XPO7: variants seen among roughly 807,000 people sequenced by gnomAD.
XPO7 encodes exportin-7.
A neutral mutation model predicts 144.3 loss-of-function variants in XPO7; 21 were observed. The observed-to-expected ratio is 0.15, with a 90% CI of 0.10 to 0.21. The LOEUF (loss-of-function observed/expected upper bound fraction) is 0.21, where lower values mean the gene tolerates loss of function less well. Among genes scored for constraint, XPO7 ranks in the 10% least tolerant of loss-of-function variants. The pLI is 1.00. For synonymous variants in XPO7, 580 were observed against 499.6 expected (o/e 1.16, Z -2.15); for missense variants, 808 against 1,325.8 (o/e 0.61, Z 6.06).
At chr8:21,980,225 C>T (rs1324671623) in intron 9 of XPO7, 22 bp downstream of exon 9, 3 of 1,562,008 alleles carry the variant, frequency 1.9e-6, no homozygotes, top group African/African-American at 2.7e-5. Flanking sequence ...TGAGAATTTA[C>T]ATATGTATAG....
intron 12 of XPO7, 112 bp downstream of exon 12, chr8:21,984,951 C>A: frequency 8.7e-7 from 1 of 1,144,460 alleles, no homozygotes; most frequent in Non-Finnish European, 1.2e-6. Flanking sequence ...CTTTCATCAT[C>A]TGTTGTCTCC....
chr8:21,956,886 G>A (rs1054170504), intron 1 of XPO7, among the ~76,000 whole-genome samples: 1 of 151,936 alleles, frequency 6.6e-6, no homozygotes, highest in African/African-American at 2.4e-5. Context: ...TTGTTTAGCT[G>A]TCTATCTTCC....
chr8:21,944,783 A>C (rs1435025864), intron 1 of XPO7, among the ~76,000 whole-genome samples: 1 of 152,052 alleles, frequency 6.6e-6, no homozygotes, highest in Non-Finnish European at 1.5e-5. Flanking sequence ...GTCTCCGGGT[A>C]CTTGAGATTA....
chr8:21,931,509 T>C (rs1288513296), intron 1 of XPO7, among the ~76,000 whole-genome samples: 1 of 152,244 alleles, frequency 6.6e-6, no homozygotes, highest in Admixed American at 6.5e-5. Flanking sequence ...ACTGGTATTT[T>C]ATTCTGTTTT....
intron 1 of XPO7, among the ~76,000 whole-genome samples, chr8:21,924,434 C>A (rs1810393797): frequency 6.6e-6 from 1 of 151,816 alleles, no homozygotes; most frequent in South Asian, 2.1e-4. Flanking sequence ...TCAACAGCTA[C>A]CTGTAGCCCC....
At chr8:21,998,058 C>T (rs1813010816) in intron 21 of XPO7, among the ~76,000 whole-genome samples, 1 of 152,202 alleles carries the variant, frequency 6.6e-6, no homozygotes, top group Non-Finnish European at 1.5e-5. Context: ...TGGCCCCTCT[C>T]CCTCAGTTGC....
At chr8:21,919,875 G>A in intron 1 of XPO7, 87 bp downstream of exon 1, 2 of 303,358 alleles carry the variant, frequency 6.6e-6, no homozygotes, top group East Asian at 5.6e-5. Flanking sequence ...GCGCCAGCCG[G>A]CTCGGGACTC....
chr8:21,974,678 C>T lies in XPO7; in HGVS notation c.501C>T (p.Thr167=). Residue 167 remains threonine, a synonymous_variant, in exon 6 of 28, where the codon ACC becomes ACT. Coordinates refer to ENST00000252512, the MANE Select transcript of XPO7 (RefSeq NM_015024.5). ...QLTNEINQAD[T]THPLTKHRKI... ...CTTCTTTTTCTGCACAGGCAGACAC[C>T]ACCCATCCTTTAACCAAGCACAGAA... 1 of 1,587,594 alleles carries T rather than the reference C, an allele frequency of 6.3e-7. No homozygotes were observed. Among genetic ancestry groups the T allele is most frequent in the Non-Finnish European group, 8.6e-7 (1 of 1,166,478 alleles).
At chr8:21,981,343 T>G (rs1054785455) in intron 9 of XPO7, among the ~76,000 whole-genome samples, 3 of 152,202 alleles carry the variant, frequency 2.0e-5, no homozygotes, top group African/African-American at 7.2e-5. Context: ...AATGAAAATT[T>G]CATTAGATTT....
At position 21,976,538 on chromosome 8, in the gene XPO7, C is replaced by T. The variant is rs1424813773; in HGVS notation, c.763+17C>T. On this transcript the variant is annotated intron_variant, in intron 7 of 27. Coordinates refer to ENST00000252512, the MANE Select transcript of XPO7 (RefSeq NM_015024.5). ...GGAGATCAGGTAACAGAACTTCCTC[C>T]ACCTCAAAGGCTGTCTGTCACTCCC... 1.2e-6 allele frequency: 2 copies of T among 1,604,952 alleles called. No individual in the cohort carries two copies. The highest frequency in any genetic ancestry group is 2.2e-5 in the South Asian group (2 of 89,712).
At chr8:21,990,739 C>G (rs544018752) in intron 17 of XPO7, 72 bp from the exon 18 acceptor site, 2 of 1,432,574 alleles carry the variant, frequency 1.4e-6, no homozygotes, top group Admixed American at 3.4e-5. Flanking sequence ...CTCAGTAATT[C>G]TCTGATTACT....
chr8:21,990,956 T>G, intron 18 of XPO7, 37 bp downstream of exon 18: 1 of 1,579,368 alleles, frequency 6.3e-7, no homozygotes, highest in African/African-American at 1.3e-5. Flanking sequence ...TGAAGTCATC[T>G]GGCACTCTTC....
At chr8:22,003,657 A>G (rs1055512955) in intron 26 of XPO7, among the ~76,000 whole-genome samples, 8 of 152,372 alleles carry the variant, frequency 5.3e-5, no homozygotes, top group South Asian at 4.1e-4. Flanking sequence ...AGATTCTGGT[A>G]AAAGAAAGGT....
chr8:21,976,671 A>G, intron 7 of XPO7, 150 bp downstream of exon 7: 1 of 1,014,992 alleles, frequency 9.9e-7, no homozygotes, highest in East Asian at 2.9e-5. Context: ...TTTGTTTTTT[A>G]AAGACAGGGT....
In XPO7 at chr8:22,001,378, A is replaced by G. The variant is rs141882293; in HGVS notation, c.2783-734A>G. Among the ~76,000 whole-genome samples the G allele has an allele frequency of 3.8e-3, 572 of 151,990 alleles. 2 individuals carry two copies. The highest frequency in any genetic ancestry group is 0.013 in the African/African-American group (545 of 41,464). On this transcript the variant is annotated intron_variant, in intron 24 of 27. Transcript: ENST00000252512. ...ATAAACTATCAGTCCCGTAGGAATCAGAGACTTGTTTACTCTTTTAAGGGT... is the reference window on the plus strand; with the variant it reads ...ATAAACTATCAGTCCCGTAGGAATCGGAGACTTGTTTACTCTTTTAAGGGT...
chr8:21,964,844 C>T (rs574361283), intron 1 of XPO7, among the ~76,000 whole-genome samples: 1 of 152,336 alleles, frequency 6.6e-6, no homozygotes, highest in African/African-American at 2.4e-5. Context: ...GATGCTTAGA[C>T]ATTGTCATGT....
intron 1 of XPO7, among the ~76,000 whole-genome samples, chr8:21,949,698 C>G (rs1811307815): frequency 1.4e-5 from 2 of 142,104 alleles, no homozygotes; most frequent in African/African-American, 5.1e-5. Flanking sequence ...TCAGGTGAAG[C>G]TCAGTCATGG....
intron 7 of XPO7, among the ~76,000 whole-genome samples, 195 bp downstream of exon 7, chr8:21,976,716 C>T (rs985995938): frequency 6.6e-5 from 10 of 152,196 alleles, no homozygotes; most frequent in Non-Finnish European, 1.5e-4. Context: ...TGCAGTGGCA[C>T]GATCACAGCT....
At chr8:21,952,043 C>T (rs1243025765) in intron 1 of XPO7, among the ~76,000 whole-genome samples, 1 of 152,210 alleles carries the variant, frequency 6.6e-6, no homozygotes, top group Non-Finnish European at 1.5e-5. Flanking sequence ...GCAGGTGTTA[C>T]TTCTCTCCTT....
Sources: allele counts gnomAD v4.1 joint callset (sites outside exome capture counted in the v4.1 genomes callset), GRCh38; gene constraint gnomAD v4.1.1; transcripts MANE v1.5; gene names NCBI Gene and HGNC (gene_info 2026-07-23, HGNC 2026-07-21).